The following DLGAP3 variants were observed in gnomAD, a reference collection of about 807,000 sequenced individuals.
DLGAP3 encodes DLG associated protein 3.
In DLGAP3, 17 loss-of-function variants were observed where a neutral mutation model predicts 81.2. The ratio of observed to expected loss-of-function variants is 0.21; its 90% CI spans 0.14 to 0.31. The LOEUF is 0.31. Among genes scored for constraint, DLGAP3 ranks in the 10% least tolerant of loss-of-function variants. The pLI is 1.00. For synonymous variants in DLGAP3, 577 were observed against 587.4 expected (o/e 0.98, Z 0.26); for missense variants, 1,124 against 1,388.0 (o/e 0.81, Z 3.02).
At chr1:34,907,281 C>T (rs1639570064) in intron 2 of DLGAP3, 74 bp downstream of exon 2, 1 of 152,568 alleles carries the variant, frequency 6.6e-6, no homozygotes, top group African/African-American at 2.4e-5. Flanking sequence ...CACTTTGAAT[C>T]AAGATTCAAA....
chr1:34,917,174 G>A (rs938297875), intron 1 of DLGAP3, among the ~76,000 whole-genome samples: 1 of 152,028 alleles, frequency 6.6e-6, no homozygotes, highest in African/African-American at 2.4e-5. Flanking sequence ...AAATTAACAG[G>A]TGTTCAGCCA....
At chr1:34,923,410 G>A (rs574181113) in intron 1 of DLGAP3, among the ~76,000 whole-genome samples, 1 of 152,216 alleles carries the variant, frequency 6.6e-6, no homozygotes, top group South Asian at 2.1e-4. Context: ...AATAACAAAA[G>A]AAGCAAGTAT....
At position 34,904,238 on chromosome 1, in the gene DLGAP3, G is replaced by C. The variant is rs148354844; in HGVS notation, c.1107+39C>G. 1,193 of 1,599,312 alleles carry C rather than the reference G, an allele frequency of 7.5e-4. 14 individuals are homozygous for C. The East Asian group carries it at 0.017, about 23-fold the overall frequency. ...CTCCCTAGTTGACAAGACTGGTGAA[G>C]GCTAAGGACTCTGTTCCCCAACCCC... On this transcript the variant is annotated intron_variant, in intron 3 of 11. Transcript: ENST00000373347. The surrounding 1 kb of genome is among the most constrained non-coding windows in gnomAD (Gnocchi z 8.1).
chr1:34,919,142 A>C (rs1431550748), intron 1 of DLGAP3, among the ~76,000 whole-genome samples: 1 of 152,066 alleles, frequency 6.6e-6, no homozygotes, highest in Non-Finnish European at 1.5e-5. Context: ...CCCAGATGAG[A>C]GAGGAGAGAG....
chr1:34,905,471 A>T lies in DLGAP3; in HGVS notation c.-51-37T>A, dbSNP rs1639536272. 2.9e-6 allele frequency: 4 copies of T among 1,387,698 alleles called. No homozygotes were observed. The South Asian group carries it at 5.7e-5, about 20-fold the overall frequency. The allele number at this position is 1,387,698 out of a possible 1,614,324, so 86.0% of individuals were successfully genotyped here. A position where few individuals can be genotyped will look rare whatever the true frequency, so the allele number is the denominator to read the frequency against. On this transcript the variant is annotated intron_variant, in intron 2 of 11. Coordinates refer to ENST00000373347, the MANE Select transcript of DLGAP3 (RefSeq NM_001080418.3). Reference sequence around the variant, plus strand: ...GGGAGAAAAGGTATTTGAATTGAACAGCCCTCTTCACCTAAAACCATCTTT... The same window carrying T: ...GGGAGAAAAGGTATTTGAATTGAACTGCCCTCTTCACCTAAAACCATCTTT...
At position 34,867,499 on chromosome 1, in the gene DLGAP3, C is replaced by T; in HGVS notation, c.2577+37G>A. ...TCCAGCACACACACACTCTGGGTCA[C>T]ATGTATCTGGTAGGATCTACTACTA... On this transcript the variant is annotated intron_variant, in intron 10 of 11. Coordinates refer to ENST00000373347, the MANE Select transcript of DLGAP3 (RefSeq NM_001080418.3). This position sits in a 1 kb window ranked among gnomAD's most constrained non-coding sequence, Gnocchi z 4.3. 1 of 1,554,762 alleles carries T rather than the reference C, an allele frequency of 6.4e-7. No homozygotes were observed. The highest frequency in any genetic ancestry group is 1.1e-5 in the South Asian group (1 of 89,934).
At chr1:34,884,370 G>C (rs1639188590) in intron 8 of DLGAP3, among the ~76,000 whole-genome samples, 1 of 152,004 alleles carries the variant, frequency 6.6e-6, no homozygotes, top group African/African-American at 2.4e-5. Flanking sequence ...CCCCTCCAGA[G>C]CTGGCAATGC....
chr1:34,927,514 C>T (rs1639892872), intron 1 of DLGAP3, among the ~76,000 whole-genome samples: 2 of 152,200 alleles, frequency 1.3e-5, no homozygotes, highest in African/African-American at 4.8e-5. Flanking sequence ...TCAGCGGGCC[C>T]TGCCTGCCAG....
chr1:34,899,586 C>A, intron 5 of DLGAP3, 83 bp downstream of exon 5: 3 of 1,228,722 alleles, frequency 2.4e-6, no homozygotes, highest in Non-Finnish European at 3.6e-6. Flanking sequence ...ACAGGCAGAC[C>A]CTCTGATTTT....
rs1288276215 is a variant in DLGAP3, at chr1:34,866,232, G to T, written c.2791C>A (p.Arg931Ser). The change falls in exon 12 of 12, where the codon CGC (arginine) becomes AGC (serine). Residue 931 changes from arginine to serine, a missense_variant. Around this residue, in one of 9 missense-constraint regions of DLGAP3, gnomAD observed 133 missense variants for 171.1 expected, o/e 0.78. Transcript: ENST00000373347. ...LRGRGVPVKE[R>S]SLDSVDRQRQ... Reference sequence around the variant, plus strand: ...TGCCGGTCCACGGAGTCCAGGGAGCGCTCCTTCACCGGCACGCCCCGGCCC... The same window carrying T: ...TGCCGGTCCACGGAGTCCAGGGAGCTCTCCTTCACCGGCACGCCCCGGCCC... 1 of 1,582,372 alleles carries T rather than the reference G, an allele frequency of 6.3e-7. No individual in the cohort carries two copies. Among genetic ancestry groups the T allele is most frequent in the Non-Finnish European group, 8.6e-7 (1 of 1,168,062 alleles).
At chr1:34,909,891 TA>T in intron 1 of DLGAP3, among the ~76,000 whole-genome samples, 1 of 152,362 alleles carries the variant, frequency 6.6e-6, no homozygotes, top group Middle Eastern at 3.4e-3. Flanking sequence ...GCTGACTCGC[TA>T]AAATTCATTC....
chr1:34,912,735 T>C (rs1306920641), intron 1 of DLGAP3, among the ~76,000 whole-genome samples: 1 of 152,220 alleles, frequency 6.6e-6, no homozygotes, highest in Non-Finnish European at 1.5e-5. Context: ...TCCCTCTCCC[T>C]GTGTTAACCA....
chr1:34,926,966 A>G (rs1477537971), intron 1 of DLGAP3, among the ~76,000 whole-genome samples: 1 of 152,180 alleles, frequency 6.6e-6, no homozygotes, highest in Non-Finnish European at 1.5e-5. Flanking sequence ...TCGAGCCCCA[A>G]CATCAGCTGG....
Position 34,867,749 on chromosome 1 carries a change from T to G in DLGAP3, c.2486-122A>C, listed in dbSNP as rs989306756. The G allele has an allele frequency of 2.3e-5, 18 of 792,488 alleles. No individual in the cohort carries two copies. In the African/African-American group the frequency reaches 2.7e-4, roughly 12 times the overall value. 49.1% of individuals were successfully genotyped at this position (792,488 alleles called of 1,614,324 possible). On this transcript the variant is annotated intron_variant, in intron 9 of 11. Transcript: ENST00000373347. This position sits in a 1 kb window ranked among gnomAD's most constrained non-coding sequence, Gnocchi z 4.3. ...TGGCACTGTGTATCCATCAGTCTCCTCCAGCCCCAGCCCCATCCCATCCTC... is the reference window on the plus strand; with the variant it reads ...TGGCACTGTGTATCCATCAGTCTCCGCCAGCCCCAGCCCCATCCCATCCTC...
chr1:34,903,099 C>T (rs1639487582), intron 3 of DLGAP3, among the ~76,000 whole-genome samples: 1 of 152,240 alleles, frequency 6.6e-6, no homozygotes, highest in African/African-American at 2.4e-5. Flanking sequence ...CCCACAAAGA[C>T]ACACACAGCC....
Position 34,865,992 on chromosome 1 carries a change from G to A in DLGAP3, c.*91C>T. 1 of 1,161,510 alleles carries A rather than the reference G, an allele frequency of 8.6e-7. No homozygotes were observed. The allele number at this position is 1,161,510 out of a possible 1,614,324, so 72.0% of individuals were successfully genotyped here. On this transcript the variant is annotated 3_prime_UTR_variant, in exon 12 of 12. Transcript: ENST00000373347. The stretch of plus-strand genomic sequence containing the variant: ...CCGGTGCCGGTGGGGCGGGCGCACG[G>A]GGCGGCCCGCGTTCACAGTGACCTC...
chr1:34,922,557 T>C (rs183660185), intron 1 of DLGAP3, among the ~76,000 whole-genome samples: 109 of 152,172 alleles, frequency 7.2e-4, no homozygotes, highest in African/African-American at 2.6e-3. Flanking sequence ...CACACATTGG[T>C]TTAATTCAGT....
At position 34,917,439 on chromosome 1, in the gene DLGAP3, C is replaced by G. The variant is rs753109173; in HGVS notation, c.-134-10002G>C. Among the ~76,000 whole-genome samples the G allele has an allele frequency of 5.3e-4, 81 of 151,770 alleles. 1 individual carries two copies. Among genetic ancestry groups the G allele is most frequent in the African/African-American group, 1.7e-3 (69 of 41,334 alleles). ...CATGGCTCACTGCAGCCTTGACCTCCCAGGCTCAAGCAATCCTCCTGCCTC... is the reference window on the plus strand; with the variant it reads ...CATGGCTCACTGCAGCCTTGACCTCGCAGGCTCAAGCAATCCTCCTGCCTC... On this transcript the variant is annotated intron_variant, in intron 1 of 11. Coordinates refer to ENST00000373347, the MANE Select transcript of DLGAP3 (RefSeq NM_001080418.3).
At chr1:34,913,397 T>C (rs773567832) in intron 1 of DLGAP3, among the ~76,000 whole-genome samples, 8 of 152,146 alleles carry the variant, frequency 5.3e-5, no homozygotes, top group African/African-American at 1.9e-4. Context: ...TTGCACTTGA[T>C]GTTCTCTCTG....
Sources: gnomAD v4.1 joint callset for allele counts (sites outside exome capture counted in the v4.1 genomes callset) on GRCh38, gnomAD v4.1.1 for gene constraint, gnomAD v4.1.1 regional missense constraint, Gnocchi (gnomAD v3.1) non-coding constraint, MANE v1.5 for transcripts, NCBI Gene and HGNC (gene_info 2026-07-23, HGNC 2026-07-21) for gene names.